The following FYN variants were observed in gnomAD, a reference collection of about 807,000 sequenced individuals.
FYN encodes tyrosine-protein kinase Fyn.
FYN carries 10 observed loss-of-function variants against 70.2 expected under a neutral mutation model. The observed-to-expected ratio is 0.14, with a 90% CI of 0.09 to 0.24. The LOEUF is 0.24. FYN is among the 10% of genes least tolerant of loss of function. The pLI is 1.00. For missense variants in FYN, 319 were observed against 673.1 expected (o/e 0.47, Z 5.82); for synonymous variants, 236 against 248.6 (o/e 0.95, Z 0.48).
chr6:111,798,176 GA>G (rs1287512831), intron 2 of FYN, among the ~76,000 whole-genome samples: 4 of 151,566 alleles, frequency 2.6e-5, no homozygotes, highest in Admixed American at 6.6e-5. Context: ...TTAAAGTCAG[GA>G]AAAAAAAGTT....
intron 2 of FYN, among the ~76,000 whole-genome samples, chr6:111,806,993 C>T (rs1772170510): frequency 6.6e-6 from 1 of 152,106 alleles, no homozygotes; most frequent in South Asian, 2.1e-4. Flanking sequence ...CCTCCACACG[C>T]TATTTGTTTC....
intron 3 of FYN, among the ~76,000 whole-genome samples, chr6:111,762,031 G>A (rs1267731247): frequency 6.6e-6 from 1 of 152,172 alleles, no homozygotes; most frequent in South Asian, 2.1e-4. Context: ...TCCGTGAGAA[G>A]GAACAGCTTC....
intron 12 of FYN, among the ~76,000 whole-genome samples, chr6:111,693,710 T>A (rs1213002385): frequency 6.6e-6 from 1 of 152,116 alleles, no homozygotes; most frequent in Non-Finnish European, 1.5e-5. Context: ...GTAAGTCCAC[T>A]CTCCACTCTC....
chr6:111,700,475 G>A (rs187841207), intron 8 of FYN, among the ~76,000 whole-genome samples: 186 of 152,268 alleles, frequency 1.2e-3, no homozygotes, highest in Non-Finnish European at 2.1e-3. Flanking sequence ...CACACACACG[G>A]TGGAAGATCA....
rs570424113 is a variant in FYN at position 111,688,641 on chromosome 6, T to C, written c.1273+5734A>G. ...TGCCCACGCAGCGTGTGTGTGCTCA[T>C]GCAGCGTGTGTGTGCTCATGTGTGC... On this transcript the variant is annotated intron_variant, in intron 12 of 13. Transcript: ENST00000354650. Among the ~76,000 whole-genome samples the C allele has an allele frequency of 6.6e-5, 10 of 151,696 alleles. No individual in the cohort carries two copies. The South Asian group carries it at 2.2e-3, about 34-fold the overall frequency.
At chr6:111,730,313 C>T (rs938319952) in intron 3 of FYN, among the ~76,000 whole-genome samples, 1 of 152,156 alleles carries the variant, frequency 6.6e-6, no homozygotes, top group Non-Finnish European at 1.5e-5. Flanking sequence ...GATAACCGAA[C>T]CAAAAGCAGG....
chr6:111,859,921 C>T (rs1049463513), intron 1 of FYN, among the ~76,000 whole-genome samples: 6 of 152,114 alleles, frequency 3.9e-5, no homozygotes, highest in Admixed American at 1.3e-4. Flanking sequence ...CTAAATTCAG[C>T]GACAAGTTTC....
At chr6:111,679,154 G>A (rs918732680) in intron 12 of FYN, among the ~76,000 whole-genome samples, 4 of 152,096 alleles carry the variant, frequency 2.6e-5, no homozygotes, top group African/African-American at 9.7e-5. Flanking sequence ...GCTCCTACCT[G>A]CTTCACGGAC....
chr6:111,857,583 G>A (rs1219159763), intron 1 of FYN, among the ~76,000 whole-genome samples: 1 of 152,188 alleles, frequency 6.6e-6, no homozygotes, highest in East Asian at 1.9e-4. Context: ...CCCAAATGCA[G>A]AGTGGCAGGT....
intron 3 of FYN, among the ~76,000 whole-genome samples, chr6:111,756,855 G>T (rs964253386): frequency 6.6e-6 from 1 of 152,098 alleles, no homozygotes; most frequent in South Asian, 2.1e-4. Flanking sequence ...CCAAAACCCA[G>T]CAGTAAGCAC....
intron 12 of FYN, among the ~76,000 whole-genome samples, chr6:111,690,971 T>C (rs750382944): frequency 5.9e-5 from 9 of 152,228 alleles, no homozygotes; most frequent in Non-Finnish European, 1.2e-4. Context: ...AAATAACTGA[T>C]GTTGGCATTA....
intron 1 of FYN, among the ~76,000 whole-genome samples, chr6:111,854,024 C>T (rs1392788494): frequency 1.3e-5 from 2 of 152,220 alleles, no homozygotes; most frequent in Non-Finnish European, 2.9e-5. Context: ...TTCCCTTTGT[C>T]TGCAAAAGTG....
intron 12 of FYN, among the ~76,000 whole-genome samples, chr6:111,682,632 A>G (rs1228819298): frequency 6.6e-6 from 1 of 152,204 alleles, no homozygotes; most frequent in Non-Finnish European, 1.5e-5. Context: ...TTCAGTGACA[A>G]TGCAAAGTGG....
At chr6:111,864,093 T>C (rs1010072022) in intron 1 of FYN, among the ~76,000 whole-genome samples, 1 of 152,188 alleles carries the variant, frequency 6.6e-6, no homozygotes, top group African/African-American at 2.4e-5. Flanking sequence ...TCTTTTCTTA[T>C]TATGCGATAA....
intron 3 of FYN, among the ~76,000 whole-genome samples, chr6:111,742,630 T>C (rs1802028682): frequency 6.6e-6 from 1 of 152,236 alleles, no homozygotes; most frequent in Non-Finnish European, 1.5e-5. Context: ...ACATGTTCTG[T>C]GCAAAAAGGC....
At chr6:111,802,871 T>C (rs549208129) in intron 2 of FYN, among the ~76,000 whole-genome samples, 1 of 152,334 alleles carries the variant, frequency 6.6e-6, no homozygotes, top group East Asian at 1.9e-4. Flanking sequence ...TAACCACTAT[T>C]TACCAACATA....
Position 111,680,917 on chromosome 6 carries a change from C to T in FYN, c.1274-6287G>A, listed in dbSNP as rs1263659403. On this transcript the variant is annotated intron_variant, in intron 12 of 13. Coordinates refer to ENST00000354650, the MANE Select transcript of FYN (RefSeq NM_002037.5). The stretch of plus-strand genomic sequence containing the variant: ...TTCTTTCCAAGCATTTTGTGTGTCT[C>T]CCCTGTGGGCTCTTCTTCTTGCTTG... Among the ~76,000 whole-genome samples, 8 of 151,410 alleles carry T rather than the reference C, an allele frequency of 5.3e-5. No individual in the cohort carries two copies. The South Asian group carries it at 1.7e-3, about 31-fold the overall frequency.
chr6:111,707,507 C>G (rs1015861856), intron 6 of FYN, among the ~76,000 whole-genome samples: 2 of 152,180 alleles, frequency 1.3e-5, no homozygotes, highest in African/African-American at 4.8e-5. Flanking sequence ...TCTGATCACA[C>G]TTAGGAGAAA....
intron 4 of FYN, 24 bp downstream of exon 4, chr6:111,719,781 C>T (rs761309016): frequency 6.2e-7 from 1 of 1,610,488 alleles, no homozygotes; most frequent in East Asian, 2.2e-5. Context: ...CCCCTCTCTG[C>T]ACTCTGTGAC....
Sources: allele counts gnomAD v4.1 joint callset (sites outside exome capture counted in the v4.1 genomes callset), GRCh38; gene constraint gnomAD v4.1.1; transcripts MANE v1.5; gene names NCBI Gene and HGNC (gene_info 2026-07-23, HGNC 2026-07-21).